ABLIM1: variants seen among roughly 807,000 people sequenced by gnomAD.
ABLIM1 encodes actin-binding LIM protein 1.
A neutral mutation model predicts 107.0 loss-of-function variants in ABLIM1; 40 were observed. The observed-to-expected ratio is 0.37, with a 90% CI of 0.29 to 0.49. The LOEUF is 0.49. ABLIM1 is among the 20% of genes least tolerant of loss of function. The pLI, the probability that ABLIM1 is intolerant of heterozygous loss-of-function variation, is 0.97. For synonymous variants in ABLIM1, 357 were observed against 357.3 expected (o/e 1.00, Z 0.01); for missense variants, 857 against 1,008.5 (o/e 0.85, Z 2.04).
In ABLIM1 at chr10:114,473,144, A is replaced by T; in HGVS notation, c.1120-12T>A. On this transcript the variant is annotated splice_polypyrimidine_tract_variant and intron_variant, in intron 9 of 22. Transcript: ENST00000533213. Reference sequence around the variant, plus strand: ...TTGTCTACTTTTGCCTGGCAAAGTTAACCAGAAAGAACAATTACCTTGTAG... The same window carrying T: ...TTGTCTACTTTTGCCTGGCAAAGTTTACCAGAAAGAACAATTACCTTGTAG... The T allele has an allele frequency of 6.2e-7, 1 of 1,602,448 alleles. No individual in the cohort carries two copies. Among genetic ancestry groups the T allele is most frequent in the Non-Finnish European group, 8.5e-7 (1 of 1,172,850 alleles).
At chr10:114,648,914 A>G (rs957152197) in intron 1 of ABLIM1, among the ~76,000 whole-genome samples, 2 of 151,994 alleles carry the variant, frequency 1.3e-5, no homozygotes, top group Admixed American at 6.6e-5. Context: ...ACTCCACAGG[A>G]AAGTTTCACC....
intron 1 of ABLIM1, among the ~76,000 whole-genome samples, chr10:114,732,160 TTTTTCTTTTC>T (rs201796914): frequency 1.3e-5 from 2 of 149,500 alleles, no homozygotes; most frequent in Non-Finnish European, 3.0e-5. Context: ...TTGATTTGCA[TTTTTCTTTTC>T]TTTTCTTTTC....
upstream of ABLIM1, among the ~76,000 whole-genome samples, chr10:114,768,745 T>C (rs1345066448): frequency 6.6e-6 from 1 of 151,716 alleles, no homozygotes; most frequent in Non-Finnish European, 1.5e-5. Flanking sequence ...CACCCGGTCT[T>C]GAGCCAACAG....
chr10:114,432,470 GACTT>G lies in ABLIM1; in HGVS notation c.*3786_*3789del, dbSNP rs1305099989. The G allele has an allele frequency of 1.3e-5, 2 of 152,178 alleles. No individual in the cohort carries two copies. The highest frequency in any genetic ancestry group is 3.9e-4 in the East Asian group (2 of 5,194). 9.4% of individuals were successfully genotyped at this position (152,178 alleles called of 1,614,324 possible). The stretch of plus-strand genomic sequence containing the variant: ...GTTAGCTTTAAATGGTTTTTAGAAA[GACTT>G]ACCTAGTCAAAAGTGGTTAATTTGA... On this transcript the variant is annotated 3_prime_UTR_variant, in exon 23 of 23. Coordinates refer to ENST00000533213, the MANE Select transcript of ABLIM1 (RefSeq NM_002313.7).
chr10:114,455,597 T>C (rs182201792), intron 12 of ABLIM1, among the ~76,000 whole-genome samples: 38 of 152,290 alleles, frequency 2.5e-4, no homozygotes, highest in African/African-American at 8.9e-4. Flanking sequence ...TCATCATCAG[T>C]GCTCAGGGTA....
intron 6 of ABLIM1, among the ~76,000 whole-genome samples, chr10:114,518,973 A>G (rs1357707349): frequency 6.6e-6 from 1 of 152,210 alleles, no homozygotes; most frequent in East Asian, 1.9e-4. Context: ...AAGTTGTTTA[A>G]AAACAAAGTG....
chr10:114,757,017 A>G (rs1163528090), intron 1 of ABLIM1, among the ~76,000 whole-genome samples: 1 of 152,266 alleles, frequency 6.6e-6, no homozygotes, highest in Non-Finnish European at 1.5e-5. Context: ...TAGAGCATGC[A>G]TCTTCATATT....
chr10:114,526,995 G>A, intron 6 of ABLIM1: 1 of 983,270 alleles, frequency 1.0e-6, no homozygotes, highest in Non-Finnish European at 1.2e-6. Context: ...AAAGGAGGGG[G>A]AGTAGATTTA....
intron 1 of ABLIM1, among the ~76,000 whole-genome samples, chr10:114,616,518 C>G (rs922534753): frequency 1.3e-5 from 2 of 152,214 alleles, no homozygotes; most frequent in African/African-American, 2.4e-5. Context: ...TATCACTGAA[C>G]AGTAGAGCTT....
chr10:114,743,259 G>A (rs2082322242), intron 1 of ABLIM1, among the ~76,000 whole-genome samples: 1 of 152,136 alleles, frequency 6.6e-6, no homozygotes. Context: ...GGGGCAATGA[G>A]GTTAGATATT....
rs375933407 is a variant in ABLIM1, at chr10:114,740,876, T to A, written c.-213+27185A>T. Among the ~76,000 whole-genome samples, 3 of 151,816 alleles carry A rather than the reference T, an allele frequency of 2.0e-5. No individual in the cohort carries two copies. In the East Asian group the frequency reaches 5.9e-4, roughly 30 times the overall value. ...CTAGCCAACATGGTGAAGCCCCATATCTACTAAAAATACAAAACTTAGCTG... is the reference window on the plus strand; with the variant it reads ...CTAGCCAACATGGTGAAGCCCCATAACTACTAAAAATACAAAACTTAGCTG... On this transcript the variant is annotated intron_variant, in intron 1 of 15. Coordinates refer to the ABLIM1 transcript ENST00000651092.
chr10:114,775,599 C>A, the ABLIM1 span, among the ~76,000 whole-genome samples: 1 of 152,154 alleles, frequency 6.6e-6, no homozygotes, highest in Non-Finnish European at 1.5e-5. Flanking sequence ...TGAAGACACA[C>A]GTTTTACAAG....
At chr10:114,632,804 C>A in intron 1 of ABLIM1, 3 of 985,092 alleles carry the variant, frequency 3.0e-6, no homozygotes, top group Non-Finnish European at 3.6e-6. Flanking sequence ...CAGGGAGGAA[C>A]TCCAGTCACA....
intron 1 of ABLIM1, among the ~76,000 whole-genome samples, chr10:114,750,101 T>A (rs1230452487): frequency 6.6e-6 from 1 of 152,200 alleles, no homozygotes; most frequent in African/African-American, 2.4e-5. Flanking sequence ...TTGTGTGCAC[T>A]GCTACAGCTA....
Position 114,710,531 on chromosome 10 carries a change from C to T in ABLIM1, c.-213+57530G>A, listed in dbSNP as rs966345659. ...ATATTAAATTATCTCCCACCAGGTT[C>T]CTCCCACAACATGTGCAAATTATGG... On this transcript the variant is annotated intron_variant, in intron 1 of 15. Coordinates refer to the ABLIM1 transcript ENST00000651092. Among the ~76,000 whole-genome samples, 3 of 152,182 alleles carry T rather than the reference C, an allele frequency of 2.0e-5. No individual in the cohort carries two copies. The East Asian group carries it at 5.8e-4, about 29-fold the overall frequency.
the ABLIM1 span, chr10:114,779,490 G>A: frequency 6.6e-6 from 1 of 152,126 alleles, no homozygotes. Context: ...CAGAAACAAA[G>A]CAAAAACTCA....
At chr10:114,486,937 C>T (rs1216003078) in intron 8 of ABLIM1, among the ~76,000 whole-genome samples, 1 of 152,126 alleles carries the variant, frequency 6.6e-6, no homozygotes, top group Middle Eastern at 3.2e-3. Context: ...AAAGCAAACA[C>T]ACTAGGAAAA....
intron 1 of ABLIM1, among the ~76,000 whole-genome samples, chr10:114,733,055 A>C (rs808341): frequency 1.3e-5 from 2 of 152,308 alleles, no homozygotes; most frequent in East Asian, 1.9e-4. Flanking sequence ...AAAGTGGCTC[A>C]ATTATGTTGT....
At chr10:114,463,697 G>A (rs1456105563) in intron 12 of ABLIM1, among the ~76,000 whole-genome samples, 2 of 152,100 alleles carry the variant, frequency 1.3e-5, no homozygotes, top group African/African-American at 4.8e-5. Flanking sequence ...ACTTCAGCAG[G>A]AGGACTGGAG....
Sources: allele counts gnomAD v4.1 joint callset (sites outside exome capture counted in the v4.1 genomes callset), GRCh38; gene constraint gnomAD v4.1.1; transcripts MANE v1.5; gene names NCBI Gene and HGNC (gene_info 2026-07-23, HGNC 2026-07-21).